PPP1R9A: variants seen among roughly 807,000 people sequenced by gnomAD.
The protein encoded by PPP1R9A is neurabin-1.
A neutral mutation model predicts 141.9 loss-of-function variants in PPP1R9A; 59 were observed. The ratio of observed to expected loss-of-function variants is 0.42; its 90% confidence interval spans 0.34 to 0.52. The LOEUF (loss-of-function observed/expected upper bound fraction) is 0.52. PPP1R9A is among the 20% of genes least tolerant of loss of function. PPP1R9A has a pLI of 0.10. For missense variants in PPP1R9A, 1,444 were observed against 1,611.9 expected, an observed-to-expected ratio of 0.90 and a Z score of 1.78; for synonymous variants, 500 against 569.7, an observed-to-expected ratio of 0.88 and a Z score of 1.74.
At chr7:94,985,665 T>C (rs1800731572) in intron 2 of PPP1R9A, among the ~76,000 whole-genome samples, 1 of 152,170 alleles carries the variant, frequency 6.6e-6, no homozygotes, top group Admixed American at 6.6e-5. Flanking sequence ...TATTTTTTTT[T>C]GCTTTCCATT....
At chr7:95,271,074 A>G (rs1486958207) in intron 14 of PPP1R9A, among the ~76,000 whole-genome samples, 1 of 152,206 alleles carries the variant, frequency 6.6e-6, no homozygotes, top group Non-Finnish European at 1.5e-5. Context: ...TAGCGGGTAA[A>G]GTGATGTCAT....
intron 7 of PPP1R9A, among the ~76,000 whole-genome samples, chr7:95,205,778 C>T (rs1010917310): frequency 6.6e-6 from 1 of 152,156 alleles, no homozygotes; most frequent in Non-Finnish European, 1.5e-5. Flanking sequence ...GTGTCAGTAG[C>T]ACTGTGTGTA....
chr7:95,033,320 T>TTTA (rs1253967682), intron 2 of PPP1R9A, among the ~76,000 whole-genome samples: 1 of 151,908 alleles, frequency 6.6e-6, no homozygotes, highest in Non-Finnish European at 1.5e-5. Flanking sequence ...GGCCTAATTT[T>TTTA]TTATTTTTAA....
intron 2 of PPP1R9A, among the ~76,000 whole-genome samples, chr7:95,019,984 C>T (rs546375430): frequency 2.6e-5 from 4 of 152,218 alleles, no homozygotes; most frequent in Non-Finnish European, 5.9e-5. Flanking sequence ...GAGAAACAAA[C>T]TGTATCATAC....
At chr7:95,111,911 T>A (rs1297774124) in intron 3 of PPP1R9A, among the ~76,000 whole-genome samples, 1 of 152,000 alleles carries the variant, frequency 6.6e-6, no homozygotes, top group Non-Finnish European at 1.5e-5. Flanking sequence ...CTCCCAGGAA[T>A]GACACCCTGC....
chr7:95,237,328 T>C (rs944300287), intron 8 of PPP1R9A, among the ~76,000 whole-genome samples: 5 of 151,690 alleles, frequency 3.3e-5, no homozygotes, highest in Admixed American at 2.6e-4. Flanking sequence ...CCCAAGTAGC[T>C]GGGATTACAA....
At chr7:95,097,671 A>C (rs1818223569) in intron 2 of PPP1R9A, among the ~76,000 whole-genome samples, 1 of 152,122 alleles carries the variant, frequency 6.6e-6, no homozygotes, top group Admixed American at 6.6e-5. Flanking sequence ...ATGTTTTTCT[A>C]TTCTATCCTT....
chr7:95,164,081 A>G (rs1830828695), intron 5 of PPP1R9A, among the ~76,000 whole-genome samples: 1 of 152,158 alleles, frequency 6.6e-6, no homozygotes, highest in Admixed American at 6.5e-5. Context: ...CTACTGGGTA[A>G]ATACCAAGCA....
chr7:95,152,482 T>C (rs1051950649), intron 4 of PPP1R9A, among the ~76,000 whole-genome samples: 2 of 152,164 alleles, frequency 1.3e-5, no homozygotes, highest in East Asian at 1.9e-4. Context: ...TTTTGTCCCA[T>C]ATGTTATAAA....
At chr7:94,947,207 C>T (rs935662641) in intron 2 of PPP1R9A, among the ~76,000 whole-genome samples, 2 of 152,098 alleles carry the variant, frequency 1.3e-5, no homozygotes, top group African/African-American at 2.4e-5. Flanking sequence ...GACATATCAC[C>T]CCTGCTTCCA....
At chr7:95,123,224 T>A (rs1392690550) in intron 4 of PPP1R9A, among the ~76,000 whole-genome samples, 6 of 152,254 alleles carry the variant, frequency 3.9e-5, no homozygotes, top group African/African-American at 1.2e-4. Context: ...TATAACTACA[T>A]TAGAACTCTG....
chr7:95,285,029 C>G (rs922484542), intron 17 of PPP1R9A, among the ~76,000 whole-genome samples: 2 of 152,108 alleles, frequency 1.3e-5, no homozygotes, highest in Non-Finnish European at 1.5e-5. Flanking sequence ...ACTGGGGTAC[C>G]AAATGGTAAT....
chr7:94,952,282 C>A (rs921446067), intron 2 of PPP1R9A, among the ~76,000 whole-genome samples: 6 of 152,150 alleles, frequency 3.9e-5, no homozygotes, highest in African/African-American at 1.4e-4. Flanking sequence ...AGGAAATGAA[C>A]TCATCCATTT....
intron 5 of PPP1R9A, among the ~76,000 whole-genome samples, chr7:95,170,773 G>C (rs1234475): frequency 0.5 from 76,110 of 151,080 alleles, 19,522 homozygotes; most frequent in Middle Eastern, 0.61. Context: ...TAGACCTACA[G>C]AAGGAAATGA....
intron 4 of PPP1R9A, among the ~76,000 whole-genome samples, chr7:95,146,869 T>G (rs1185763449): frequency 1.3e-5 from 2 of 152,220 alleles, no homozygotes; most frequent in African/African-American, 4.8e-5. Flanking sequence ...TCTGTTTTGG[T>G]ACCAGTATCT....
At chr7:94,933,380 T>C (rs117600642) in intron 2 of PPP1R9A, among the ~76,000 whole-genome samples, 2 of 152,282 alleles carry the variant, frequency 1.3e-5, no homozygotes, top group Non-Finnish European at 2.9e-5. Flanking sequence ...ATGTAAAGTA[T>C]CAAAGTGCTT....
chr7:95,191,304 T>G (rs1460266936), intron 5 of PPP1R9A, among the ~76,000 whole-genome samples: 8 of 152,298 alleles, frequency 5.3e-5, no homozygotes, highest in Admixed American at 5.2e-4. Flanking sequence ...AGGGCAGTTC[T>G]TAGTGAAATA....
Position 95,290,818 on chromosome 7 carries a change from A to T in PPP1R9A, c.*515A>T, listed in dbSNP as rs906230497. 2 of 157,710 alleles carry T rather than the reference A, an allele frequency of 1.3e-5. No individual in the cohort carries two copies. The highest frequency in any genetic ancestry group is 4.8e-5 in the African/African-American group (2 of 41,512). 9.8% of individuals were successfully genotyped at this position (157,710 alleles called of 1,614,324 possible). A position where few individuals can be genotyped will look rare whatever the true frequency, so the allele number is the denominator to read the frequency against. ...TGGGAAAGATTTGCTCTTAATTCTCAGTCTGGACAGTGAGACCACCCCGCT... is the reference window on the plus strand; with the variant it reads ...TGGGAAAGATTTGCTCTTAATTCTCTGTCTGGACAGTGAGACCACCCCGCT... On this transcript the variant is annotated 3_prime_UTR_variant, in exon 20 of 20. Transcript: ENST00000433360.
At chr7:95,080,492 A>G (rs1815635322) in intron 2 of PPP1R9A, among the ~76,000 whole-genome samples, 1 of 152,248 alleles carries the variant, frequency 6.6e-6, no homozygotes, top group South Asian at 2.1e-4. Context: ...AAGAATCAAT[A>G]TCATGAAAAT....
Sources: gnomAD v4.1 joint callset for allele counts (sites outside exome capture counted in the v4.1 genomes callset) on GRCh38, gnomAD v4.1.1 for gene constraint, MANE v1.5 for transcripts, NCBI Gene and HGNC (gene_info 2026-07-23, HGNC 2026-07-21) for gene names.